The following RANBP2 variants were observed in gnomAD, a reference collection of about 807,000 sequenced individuals.
RANBP2 encodes E3 SUMO-protein ligase RanBP2.
In RANBP2, 57 loss-of-function variants were observed where a neutral mutation model predicts 303.6. The ratio of observed to expected loss-of-function variants is 0.19; its 90% CI spans 0.15 to 0.23. RANBP2 has a LOEUF of 0.23. RANBP2 is among the 10% of genes least tolerant of loss of function. The pLI is 1.00. For synonymous variants in RANBP2, 1,167 were observed against 1,301.5 expected, an observed-to-expected ratio of 0.90 and a Z score of 2.23; for missense variants, 3,138 against 3,780.8, an observed-to-expected ratio of 0.83 and a Z score of 4.46.
chr2:109,536,730 G>A, the RANBP2 span, among the ~76,000 whole-genome samples: 2 of 152,166 alleles, frequency 1.3e-5, no homozygotes, highest in Non-Finnish European at 2.9e-5. Context: ...TGTCCCCACT[G>A]GAAGCTCATC....
the RANBP2 span, chr2:109,593,175 C>A: frequency 8.7e-7 from 1 of 1,147,830 alleles, no homozygotes; most frequent in Non-Finnish European, 1.2e-6. Flanking sequence ...CCCCAAACCC[C>A]ATTATCTGAA....
the RANBP2 span, among the ~76,000 whole-genome samples, chr2:109,368,382 G>A: frequency 6.6e-6 from 1 of 152,018 alleles, no homozygotes; most frequent in African/African-American, 2.4e-5. Context: ...GGACATTCAA[G>A]TTTAATCCTT....
the RANBP2 span, among the ~76,000 whole-genome samples, chr2:108,811,503 A>G: frequency 6.6e-6 from 1 of 151,930 alleles, no homozygotes; most frequent in Non-Finnish European, 1.5e-5. Flanking sequence ...TCACCCTCCC[A>G]AAGTGCTGGG....
At chr2:109,314,046 G>A in the RANBP2 span, among the ~76,000 whole-genome samples, 1 of 152,154 alleles carries the variant, frequency 6.6e-6, no homozygotes, top group African/African-American at 2.4e-5. Context: ...AAAAGGAAGA[G>A]GCTATGGGGG....
the RANBP2 span, among the ~76,000 whole-genome samples, chr2:108,846,247 A>G: frequency 6.6e-6 from 1 of 152,200 alleles, no homozygotes; most frequent in South Asian, 2.1e-4. Context: ...ATGTTCTTAC[A>G]TGTTTTAGAA....
the RANBP2 span, among the ~76,000 whole-genome samples, chr2:109,309,515 T>C: frequency 7.8e-6 from 1 of 128,814 alleles, no homozygotes; most frequent in African/African-American, 3.8e-5. Flanking sequence ...TAACTTTAAA[T>C]GTAAATGGAC....
chr2:109,722,644 C>T, the RANBP2 span, among the ~76,000 whole-genome samples: 2 of 152,204 alleles, frequency 1.3e-5, no homozygotes, highest in Non-Finnish European at 2.9e-5. Flanking sequence ...CCTCACCCTC[C>T]CCACGACAGG....
the RANBP2 span, among the ~76,000 whole-genome samples, chr2:109,416,020 G>A: frequency 1.3e-5 from 2 of 152,164 alleles, no homozygotes; most frequent in East Asian, 1.9e-4. Context: ...CTCGTCATGT[G>A]ATGCTCTGCA....
the RANBP2 span, chr2:109,399,065 G>A: frequency 8.7e-7 from 1 of 1,150,320 alleles, no homozygotes; most frequent in African/African-American, 1.5e-5. Flanking sequence ...GCCTTTTGGG[G>A]TTGAGTGGGG....
chr2:109,593,890 A>G, the RANBP2 span, among the ~76,000 whole-genome samples: 2 of 152,212 alleles, frequency 1.3e-5, no homozygotes, highest in African/African-American at 4.8e-5. Flanking sequence ...AACTCATATT[A>G]CACGTCCATA....
the RANBP2 span, chr2:109,437,078 C>A: frequency 3.6e-5 from 58 of 1,613,700 alleles, no homozygotes; most frequent in African/African-American, 5.3e-4. Flanking sequence ...GCCTCGCCCC[C>A]AACAGGCAGC....
the RANBP2 span, among the ~76,000 whole-genome samples, chr2:109,685,840 G>A: frequency 1.8e-4 from 28 of 152,308 alleles, no homozygotes; most frequent in East Asian, 2.7e-3. Flanking sequence ...GAGTGAGGAC[G>A]AATGGTTTCT....
chr2:108,743,489 G>A (rs1394714591), intron 7 of RANBP2, among the ~76,000 whole-genome samples: 1 of 152,060 alleles, frequency 6.6e-6, no homozygotes, highest in Admixed American at 6.6e-5. Context: ...TTCCCAGGCT[G>A]GTTAGTCTTG....
chr2:109,558,642 T>C, the RANBP2 span, among the ~76,000 whole-genome samples: 1,502 of 152,288 alleles, frequency 9.9e-3, 27 homozygotes, highest in African/African-American at 0.034. Flanking sequence ...CGATTGGTGC[T>C]GGTAGATTAG....
At chr2:109,400,139 T>C in the RANBP2 span, among the ~76,000 whole-genome samples, 1 of 152,186 alleles carries the variant, frequency 6.6e-6, no homozygotes, top group Admixed American at 6.5e-5. Context: ...GTCTTAAAAA[T>C]TGCTGAGCTT....
the RANBP2 span, among the ~76,000 whole-genome samples, chr2:109,685,504 G>A: frequency 5.9e-5 from 9 of 152,160 alleles, no homozygotes; most frequent in African/African-American, 1.7e-4. Context: ...TGATCTTGAC[G>A]CAAAAGCTGT....
At chr2:109,368,997 C>T in the RANBP2 span, among the ~76,000 whole-genome samples, 488 of 152,102 alleles carry the variant, frequency 3.2e-3, 2 homozygotes, top group Non-Finnish European at 5.2e-3. Context: ...ATTCTGTGGG[C>T]GCCTCCCCCA....
chr2:109,419,426 C>CCAGGCAGCTGGCGAAGCA, the RANBP2 span: 1 of 1,137,786 alleles, frequency 8.8e-7, no homozygotes, highest in Non-Finnish European at 1.3e-6. Flanking sequence ...GGCCAAACAG[C>CCAGGCAGCTGGCGAAGCA]CAGGCAGCTG....
the RANBP2 span, among the ~76,000 whole-genome samples, chr2:109,536,240 C>T: frequency 6.6e-6 from 1 of 152,158 alleles, no homozygotes; most frequent in South Asian, 2.1e-4. Flanking sequence ...AAGCTGCAGA[C>T]ACTCAATGCC....
Sources: allele counts gnomAD v4.1 joint callset (sites outside exome capture counted in the v4.1 genomes callset), GRCh38; gene constraint gnomAD v4.1.1; transcripts MANE v1.5; gene names NCBI Gene and HGNC (gene_info 2026-07-23, HGNC 2026-07-21).